The following ACVR1 variants were observed in gnomAD, a reference collection of about 807,000 sequenced individuals.
ACVR1 encodes the protein activin A receptor type 1.
Under a neutral mutation model 57.1 loss-of-function variants are expected in ACVR1, and 38 were observed. The ratio of observed to expected loss-of-function variants is 0.67; its 90% CI spans 0.51 to 0.87. The LOEUF is 0.87. Ranked by LOEUF, ACVR1 falls within the 40% of genes least tolerant of loss-of-function variation. ACVR1 has a pLI of 0.00. For missense variants in ACVR1, 463 were observed against 638.2 expected, an observed-to-expected ratio of 0.73 and a Z score of 2.96; for synonymous variants, 212 against 228.1, an observed-to-expected ratio of 0.93 and a Z score of 0.63.
At chr2:157,822,546 G>T (rs1240904720) in intron 1 of ACVR1, among the ~76,000 whole-genome samples, 1 of 152,092 alleles carries the variant, frequency 6.6e-6, no homozygotes, top group African/African-American at 2.4e-5. Context: ...CTCATTATTT[G>T]GATATCCAAA....
intron 1 of ACVR1, among the ~76,000 whole-genome samples, chr2:157,824,595 A>G (rs1022902794): frequency 2.0e-5 from 3 of 152,192 alleles, no homozygotes. Context: ...ACTTAGAAAA[A>G]ATCCAGACAC....
At chr2:157,746,644 C>T (rs73022032) in intron 9 of ACVR1, among the ~76,000 whole-genome samples, 2,675 of 152,358 alleles carry the variant, frequency 0.018, 65 homozygotes, top group African/African-American at 0.059. Flanking sequence ...ATTTTCTTAC[C>T]CTAGAACTAC....
intron 1 of ACVR1, among the ~76,000 whole-genome samples, chr2:157,838,824 A>C (rs972898462): frequency 6.6e-6 from 1 of 152,146 alleles, no homozygotes; most frequent in African/African-American, 2.4e-5. Context: ...AACCTGCCTC[A>C]TAAGGTCTCC....
intron 1 of ACVR1, among the ~76,000 whole-genome samples, chr2:157,860,839 A>G (rs1295856408): frequency 1.3e-5 from 2 of 152,088 alleles, no homozygotes; most frequent in Non-Finnish European, 1.5e-5. Context: ...CTCAAGTCCA[A>G]TGTTTCTCAA....
chr2:157,742,716 T>C (rs1046384008), intron 9 of ACVR1, among the ~76,000 whole-genome samples: 2 of 152,152 alleles, frequency 1.3e-5, no homozygotes, highest in Admixed American at 1.3e-4. Flanking sequence ...AGATCAAATA[T>C]GTCCTAGACA....
At chr2:157,766,473 A>G (rs141187530) in intron 7 of ACVR1, among the ~76,000 whole-genome samples, 19 of 152,338 alleles carry the variant, frequency 1.2e-4, no homozygotes, top group Non-Finnish European at 1.8e-4. Flanking sequence ...GATAGCAATA[A>G]TATCTTTGTG....
At position 157,849,017 on chromosome 2, in the gene ACVR1, GCT is replaced by G. The variant is rs905646502; in HGVS notation, c.-183+26777_-183+26778del. 2.0e-4 allele frequency among the ~76,000 whole-genome samples: 30 copies of G among 152,206 alleles called. 1 individual carries two copies. Among genetic ancestry groups the G allele is most frequent in the African/African-American group, 7.2e-4 (30 of 41,548 alleles). On this transcript the variant is annotated intron_variant, in intron 1 of 10. Coordinates refer to ENST00000434821, the MANE Select transcript of ACVR1 (RefSeq NM_001111067.4). ...TCTAATCTAGTAGCAAATCCCATTG[GCT>G]CTGTCTTCAAAGTATATCCTGATTC...
chr2:157,863,916 G>A (rs962304476), intron 1 of ACVR1, among the ~76,000 whole-genome samples: 3 of 135,908 alleles, frequency 2.2e-5, no homozygotes, highest in African/African-American at 8.4e-5. Context: ...CACCCAGGTT[G>A]GAGTGCCATC....
chr2:157,760,755 C>G, intron 9 of ACVR1, 125 bp downstream of exon 9: 1 of 912,740 alleles, frequency 1.1e-6, no homozygotes, highest in Non-Finnish European at 1.7e-6. Flanking sequence ...AATATGAATG[C>G]CTATAACTCG....
At position 157,843,275 on chromosome 2, in the gene ACVR1, G is replaced by T. The variant is rs185535189; in HGVS notation, c.-182-24716C>A. ...GCATTACTCAACACACTAATAGTCT[G>T]TTTTCTAAATCCCACAAGTTAGACT... On this transcript the variant is annotated intron_variant, in intron 1 of 10. Coordinates refer to ENST00000434821, the MANE Select transcript of ACVR1 (RefSeq NM_001111067.4). Among the ~76,000 whole-genome samples the T allele has an allele frequency of 6.1e-3, 930 of 152,294 alleles. 12 individuals carry two copies. The highest frequency in any genetic ancestry group is 0.021 in the African/African-American group (885 of 41,542).
intron 2 of ACVR1, chr2:157,806,911 A>G (rs1367363752): frequency 6.6e-6 from 1 of 152,224 alleles, no homozygotes; most frequent in South Asian, 2.1e-4. Context: ...ATTAGCATGT[A>G]ATTTGATCTT....
intron 1 of ACVR1, among the ~76,000 whole-genome samples, chr2:157,824,775 A>G: frequency 6.6e-6 from 1 of 150,818 alleles, no homozygotes; most frequent in Non-Finnish European, 1.5e-5. Context: ...TTTTTTTGAG[A>G]CAGAGTCTCA....
At chr2:157,793,058 T>C (rs1013530519) in intron 3 of ACVR1, among the ~76,000 whole-genome samples, 1 of 152,218 alleles carries the variant, frequency 6.6e-6, no homozygotes, top group African/African-American at 2.4e-5. Flanking sequence ...TTTATTTTCC[T>C]TGGTGTTTTC....
chr2:157,855,269 AGTGTGTGTGTGTGTG>A (rs1689472094), intron 1 of ACVR1, among the ~76,000 whole-genome samples: 2 of 85,180 alleles, frequency 2.3e-5, no homozygotes, highest in African/African-American at 5.6e-5. Context: ...AAAAAAAAAA[AGTGTGTGTGTGTGTG>A]TGTGTGTGTG....
intron 2 of ACVR1, among the ~76,000 whole-genome samples, chr2:157,805,695 G>A (rs1005041351): frequency 1.3e-5 from 2 of 151,214 alleles, no homozygotes; most frequent in African/African-American, 4.9e-5. Flanking sequence ...GAACATTCAG[G>A]TCTTAACCCA....
chr2:157,804,250 G>C (rs1199011422), intron 2 of ACVR1, among the ~76,000 whole-genome samples: 1 of 152,156 alleles, frequency 6.6e-6, no homozygotes, highest in Non-Finnish European at 1.5e-5. Context: ...AGATATTTTA[G>C]ACTGAGCACT....
chr2:157,855,106 T>C (rs1161752607), intron 1 of ACVR1, among the ~76,000 whole-genome samples: 1 of 151,660 alleles, frequency 6.6e-6, no homozygotes, highest in African/African-American at 2.4e-5. Context: ...CACTGACTTT[T>C]AGCATTTTTC....
At chr2:157,828,600 G>T (rs1401857947) in intron 1 of ACVR1, among the ~76,000 whole-genome samples, 1 of 151,948 alleles carries the variant, frequency 6.6e-6, no homozygotes, top group East Asian at 1.9e-4. Flanking sequence ...GGCAACAGAG[G>T]GATAGCAAAA....
At chr2:157,788,253 C>A (rs1316682743) in intron 3 of ACVR1, among the ~76,000 whole-genome samples, 2 of 152,204 alleles carry the variant, frequency 1.3e-5, no homozygotes, top group East Asian at 3.8e-4. Context: ...TCACTTTCCA[C>A]TATTTCGGTT....
Sources: gnomAD v4.1 joint callset for allele counts (sites outside exome capture counted in the v4.1 genomes callset) on GRCh38, gnomAD v4.1.1 for gene constraint, MANE v1.5 for transcripts, NCBI Gene and HGNC (gene_info 2026-07-23, HGNC 2026-07-21) for gene names.